BOD1L1: variants seen among roughly 807,000 people sequenced by gnomAD.
The protein encoded by BOD1L1 is biorientation of chromosomes in cell division 1 like 1, also known as biorientation of chromosomes in cell division protein 1-like 1.
In BOD1L1, 86 loss-of-function variants were observed where a neutral mutation model predicts 240.7. The observed-to-expected ratio is 0.36, with a 90% CI of 0.30 to 0.43. The LOEUF (loss-of-function observed/expected upper bound fraction) is 0.43, where lower values mean the gene tolerates loss of function less well. BOD1L1 is among the 20% of genes least tolerant of loss of function. BOD1L1 has a pLI of 1.00. For synonymous variants in BOD1L1, 1,268 were observed against 1,272.3 expected, an observed-to-expected ratio of 1.00 and a Z score of 0.07; for missense variants, 3,554 against 3,643.5, an observed-to-expected ratio of 0.98 and a Z score of 0.63.
Position 13,603,395 on chromosome 4 carries a change from T to C in BOD1L1, c.3505A>G (p.Thr1169Ala), listed in dbSNP as rs1715392138. Residue 1169 changes from threonine (T) to alanine (A), a missense_variant, in exon 10 of 26, where the codon ACT (threonine) becomes GCT (alanine). Physicochemically the swap from Thr to Ala is moderately conservative, Grantham distance 58. Transcript: ENST00000040738. ...SATVQKDELR[T>A]CTADSKATAP... ...GTTGCTTTTGAATCTGCTGTGCAAG[T>C]TCTCAATTCATCCTTTTGAACAGTG... The C allele has an allele frequency of 2.5e-6, 4 of 1,613,892 alleles. No individual in the cohort carries two copies. Among genetic ancestry groups the C allele is most frequent in the Non-Finnish European group, 8.5e-7 (1 of 1,179,900 alleles).
chr4:13,595,801 T>TA (rs1293389479), intron 12 of BOD1L1, 59 bp downstream of exon 12: 2 of 1,435,618 alleles, frequency 1.4e-6, no homozygotes, highest in Non-Finnish European at 1.9e-6. Flanking sequence ...TTTAGAAAGG[T>TA]AAAACCACAT....
At chr4:13,598,824 A>G (rs2108934483) in intron 10 of BOD1L1, 122 bp downstream of exon 10, 2 of 1,075,320 alleles carry the variant, frequency 1.9e-6, no homozygotes, top group East Asian at 5.0e-5. Context: ...ATGAGAAAAA[A>G]ATTTATAGAT....
At chr4:13,619,500 G>A (rs533504860) in intron 2 of BOD1L1, among the ~76,000 whole-genome samples, 25 of 152,052 alleles carry the variant, frequency 1.6e-4, no homozygotes, top group Admixed American at 1.2e-3. Flanking sequence ...TGCAAAAGAC[G>A]GGGGCACTGT....
rs1713183586 is a variant in BOD1L1 at position 13,581,015 on chromosome 4, C to T, written c.8703+5G>A. On this transcript the variant is annotated splice_donor_5th_base_variant and intron_variant, in intron 21 of 25. Transcript: ENST00000040738. ...TTGAAATTGTCATGTTTTGCAATTACTTACAGTGACAATGCCAGTATCTGT... is the reference window on the plus strand; with the variant it reads ...TTGAAATTGTCATGTTTTGCAATTATTTACAGTGACAATGCCAGTATCTGT... 6.4e-7 allele frequency: 1 copy of T among 1,573,428 alleles called. No individual in the cohort carries two copies.
chr4:13,574,302 G>A (rs1030924294), intron 25 of BOD1L1, among the ~76,000 whole-genome samples: 1 of 152,094 alleles, frequency 6.6e-6, no homozygotes. Context: ...CATGACCACT[G>A]AGAGCCCACC....
At chr4:13,617,064 G>A (rs908277547) in intron 2 of BOD1L1, among the ~76,000 whole-genome samples, 3 of 152,026 alleles carry the variant, frequency 2.0e-5, no homozygotes, top group African/African-American at 7.2e-5. Flanking sequence ...GGCCAACATG[G>A]TGAAACCTCA....
Position 13,586,484 on chromosome 4 carries a change from C to G in BOD1L1, c.8354-9G>C. ...GACATCTGGATTATCATCTGTAAAT[C>G]AGTTTAGACAGAATCACAAAGGAAC... On this transcript the variant is annotated splice_polypyrimidine_tract_variant and intron_variant, in intron 16 of 25. Transcript: ENST00000040738. 1 of 1,564,926 alleles carries G rather than the reference C, an allele frequency of 6.4e-7. No individual in the cohort carries two copies. The highest frequency in any genetic ancestry group is 8.8e-7 in the Non-Finnish European group (1 of 1,141,580).
Position 13,601,427 on chromosome 4 carries a change from T to G in BOD1L1, c.5473A>C (p.Asn1825His). Residue 1825 changes from asparagine to histidine, a missense_variant, in exon 10 of 26, where the codon AAT (asparagine) becomes CAT (histidine). Physicochemically the swap from Asn to His is moderately conservative, Grantham distance 68. This residue lies in a region of BOD1L1 where 3,393 missense variants were observed against 3,427.1 expected (regional missense o/e 0.99). Transcript: ENST00000040738. The stretch of plus-strand genomic sequence containing the variant: ...GTGCTGTCCATTGCACTCTCTCCAT[T>G]TTCTTCCGATTCAGAACTTATAGCA... ...GFAISSESEE[N>H]GESAMDSTVA... 1 of 1,614,028 alleles carries G rather than the reference T, an allele frequency of 6.2e-7. No individual in the cohort carries two copies. The highest frequency in any genetic ancestry group is 8.5e-7 in the Non-Finnish European group (1 of 1,179,898).
In BOD1L1 at chr4:13,614,716, A is replaced by C; in HGVS notation, c.654T>G (p.Ala218=). Residue 218 remains alanine (A), a synonymous_variant, in exon 4 of 26, where the codon GCT becomes GCG. Coordinates refer to ENST00000040738, the MANE Select transcript of BOD1L1 (RefSeq NM_148894.3). ...CATTTGATGTTTCTGTTGAAGCCCT[A>C]GCAGCACTGGCTTCTTGGTTAAGAG... ...ITSLNQEASA[A]RASTETSNAK... 1 of 1,613,930 alleles carries C rather than the reference A, an allele frequency of 6.2e-7. No individual in the cohort carries two copies. Among genetic ancestry groups the C allele is most frequent in the Non-Finnish European group, 8.5e-7 (1 of 1,179,854 alleles).
At chr4:13,619,075 C>A (rs1716833850) in intron 2 of BOD1L1, among the ~76,000 whole-genome samples, 1 of 152,024 alleles carries the variant, frequency 6.6e-6, no homozygotes, top group Non-Finnish European at 1.5e-5. Flanking sequence ...ATAATCCCAG[C>A]ACTTTCAGAA....
chr4:13,599,522 C>G lies in BOD1L1; in HGVS notation c.7378G>C (p.Glu2460Gln). Residue 2460 changes from glutamate to glutamine, a missense_variant, in exon 10 of 26, where the codon GAA (glutamate) becomes CAA (glutamine). Physicochemically the swap from Glu to Gln is conservative, Grantham distance 29 (BLOSUM62 2). Around this residue, in one of 2 missense-constraint regions of BOD1L1, gnomAD observed 3,393 missense variants for 3,427.1 expected, o/e 0.99. Transcript: ENST00000040738. Reference sequence around the variant, plus strand: ...GAGTTCAACAATACATTCTTCTCTTCTGCATTTATGAGGTGTAAAGTGCTC... The same window carrying G: ...GAGTTCAACAATACATTCTTCTCTTGTGCATTTATGAGGTGTAAAGTGCTC... ...KESTLHLINA[E>Q]EKNVLLNSLQ... 6.2e-7 allele frequency: 1 copy of G among 1,614,060 alleles called. No individual in the cohort carries two copies. The highest frequency in any genetic ancestry group is 8.5e-7 in the Non-Finnish European group (1 of 1,179,902).
chr4:13,605,143 C>A, intron 9 of BOD1L1, 59 bp from the exon 10 acceptor site: 1 of 1,348,922 alleles, frequency 7.4e-7, no homozygotes, highest in South Asian at 1.6e-5. Context: ...TAGATTAAAA[C>A]ATAACATTTG....
At position 13,598,941 on chromosome 4, in the gene BOD1L1, C is replaced by T; in HGVS notation, c.7954+5G>A. The T allele has an allele frequency of 6.3e-7, 1 of 1,592,848 alleles. No homozygotes were observed. Among genetic ancestry groups the T allele is most frequent in the Non-Finnish European group, 8.6e-7 (1 of 1,166,822 alleles). ...TAAAATTTGCAATTAGGTACAGATT[C>T]TCACCTATGTCACACACATTTTCTT... On this transcript the variant is annotated splice_donor_5th_base_variant and intron_variant, in intron 10 of 25. Coordinates refer to ENST00000040738, the MANE Select transcript of BOD1L1 (RefSeq NM_148894.3).
chr4:13,617,848 T>C (rs143442730), intron 2 of BOD1L1, among the ~76,000 whole-genome samples: 2 of 152,332 alleles, frequency 1.3e-5, no homozygotes, highest in Admixed American at 6.5e-5. Flanking sequence ...TTACAGGGGC[T>C]AGTCCACCCC....
At position 13,600,134 on chromosome 4, in the gene BOD1L1, T is replaced by C. The variant is rs1447214790; in HGVS notation, c.6766A>G (p.Ile2256Val). The C allele has an allele frequency of 1.9e-6, 3 of 1,613,960 alleles. No individual in the cohort carries two copies. Among genetic ancestry groups the C allele is most frequent in the Non-Finnish European group, 2.5e-6 (3 of 1,179,876 alleles). ...VMEEKDGSGI[I>V]STSSVEDCEG... ...CAGTCTTCCACCGAGCTCGTAGAGA[T>C]GATGCCACTCCCGTCTTTTTCTTCC... The change falls in exon 10 of 26, where the codon ATC becomes GTC. Residue 2256 changes from isoleucine to valine, a missense_variant. This residue lies in a region of BOD1L1 where 3,393 missense variants were observed against 3,427.1 expected (regional missense o/e 0.99). Coordinates refer to ENST00000040738, the MANE Select transcript of BOD1L1 (RefSeq NM_148894.3).
chr4:13,583,770 T>C (rs926260295), intron 17 of BOD1L1, among the ~76,000 whole-genome samples: 3 of 152,236 alleles, frequency 2.0e-5, no homozygotes, highest in African/African-American at 7.2e-5. Flanking sequence ...TTTTTTGTTG[T>C]GGTTATTTTT....
rs1714995669 is a variant in BOD1L1, at chr4:13,600,146, C to T, written c.6754G>A (p.Gly2252Arg). 8.1e-6 allele frequency: 13 copies of T among 1,613,982 alleles called. No individual in the cohort carries two copies. Among genetic ancestry groups the T allele is most frequent in the East Asian group, 2.2e-5 (1 of 44,878 alleles). Reference sequence around the variant, plus strand: ...GAGCTCGTAGAGATGATGCCACTCCCGTCTTTTTCTTCCATGACTGTGCCA... The same window carrying T: ...GAGCTCGTAGAGATGATGCCACTCCTGTCTTTTTCTTCCATGACTGTGCCA... ...RAGTVMEEKD[G>R]SGIISTSSVE... Residue 2252 changes from glycine to arginine, a missense_variant, in exon 10 of 26, where the codon GGG becomes AGG. Coordinates refer to ENST00000040738, the MANE Select transcript of BOD1L1 (RefSeq NM_148894.3).
At position 13,599,669 on chromosome 4, in the gene BOD1L1, G is replaced by T; in HGVS notation, c.7231C>A (p.Pro2411Thr). Residue 2411 changes from proline (P) to threonine (T), a missense_variant, in exon 10 of 26, where the codon CCA (proline) becomes ACA (threonine). This residue lies in a region of BOD1L1 where 3,393 missense variants were observed against 3,427.1 expected (regional missense o/e 0.99). Coordinates refer to ENST00000040738, the MANE Select transcript of BOD1L1 (RefSeq NM_148894.3). ...CCTGCAGAGGGCTTGTGGACTGATG[G>T]CCCGTTGTGCCCCTCCTCGGTGCTC... is the stretch of plus-strand genomic sequence containing the variant. Reference protein sequence around the residue: ...AVSTEEGHNGPSVHKPSAGQG... With the variant: ...AVSTEEGHNGTSVHKPSAGQG... The T allele has an allele frequency of 6.2e-7, 1 of 1,613,884 alleles. No individual in the cohort carries two copies. Among genetic ancestry groups the T allele is most frequent in the Non-Finnish European group, 8.5e-7 (1 of 1,179,888 alleles).
chr4:13,598,560 A>C (rs940000755), intron 10 of BOD1L1, among the ~76,000 whole-genome samples: 1 of 152,198 alleles, frequency 6.6e-6, no homozygotes, highest in African/African-American at 2.4e-5. Context: ...GTGGTAAAAA[A>C]AAAATGTATT....
Sources: allele counts gnomAD v4.1 joint callset (sites outside exome capture counted in the v4.1 genomes callset), GRCh38; gene constraint gnomAD v4.1.1; regional missense constraint gnomAD v4.1.1; transcripts MANE v1.5; gene names NCBI Gene and HGNC (gene_info 2026-07-23, HGNC 2026-07-21).